The following NUP155 variants were observed in gnomAD, a reference collection of about 807,000 sequenced individuals.
NUP155 encodes nucleoporin 155.
Under a neutral mutation model 180.4 loss-of-function variants are expected in NUP155, and 71 were observed. The observed-to-expected ratio is 0.39, with a 90% CI of 0.33 to 0.48. The LOEUF (loss-of-function observed/expected upper bound fraction) is 0.48. NUP155 is among the 20% of genes least tolerant of loss of function. The probability of loss-of-function intolerance (pLI) is 0.91; values close to 1 mark genes in which losing one functional copy is unlikely to be tolerated. For missense variants in NUP155, 1,553 were observed against 1,648.9 expected, an observed-to-expected ratio of 0.94 and a Z score of 1.01; for synonymous variants, 582 against 559.5, an observed-to-expected ratio of 1.04 and a Z score of -0.57.
At chr5:37,317,831 G>A (rs1336198801) in intron 21 of NUP155, among the ~76,000 whole-genome samples, 157 bp downstream of exon 21, 1 of 151,836 alleles carries the variant, frequency 6.6e-6, no homozygotes, top group East Asian at 1.9e-4. Flanking sequence ...GGTATTACAG[G>A]TGTGAGCCAC....
At chr5:37,356,491 A>T (rs920409421) in intron 4 of NUP155, among the ~76,000 whole-genome samples, 1 of 150,564 alleles carries the variant, frequency 6.6e-6, no homozygotes, top group Non-Finnish European at 1.5e-5. Context: ...AAAAATATAA[A>T]AATTAGGCGT....
chr5:37,329,269 A>G lies in NUP155; in HGVS notation c.1734T>C (p.Gly578=). 1.9e-6 allele frequency: 3 copies of G among 1,613,352 alleles called. No homozygotes were observed. Among genetic ancestry groups the G allele is most frequent in the Non-Finnish European group, 2.5e-6 (3 of 1,179,322 alleles). The change falls in exon 16 of 35, where the codon GGT becomes GGC. Residue 578 remains glycine (G), a synonymous_variant. Transcript: ENST00000231498. ...TGGTTGGAAATCTCATCTGTGCTTCACCACCATACCTATTTTTATGACAAG... is the reference window on the plus strand; with the variant it reads ...TGGTTGGAAATCTCATCTGTGCTTCGCCACCATACCTATTTTTATGACAAG... The part of the protein sequence containing the change: ...WATRAFFRYG[G]EAQMRFPTTL...
chr5:37,364,845 C>A (rs926606807), intron 1 of NUP155, among the ~76,000 whole-genome samples: 1 of 151,742 alleles, frequency 6.6e-6, no homozygotes, highest in African/African-American at 2.4e-5. Flanking sequence ...ACCGTGTTAG[C>A]CAGGCTGGTC....
intron 1 of NUP155, among the ~76,000 whole-genome samples, chr5:37,364,594 T>C (rs1747429785): frequency 6.6e-6 from 1 of 151,720 alleles, no homozygotes; most frequent in Admixed American, 6.6e-5. Flanking sequence ...GAAAGTCATA[T>C]CTCAAAAAAC....
chr5:37,326,381 A>G (rs959040063), intron 18 of NUP155, among the ~76,000 whole-genome samples: 1 of 152,114 alleles, frequency 6.6e-6, no homozygotes, highest in Non-Finnish European at 1.5e-5. Flanking sequence ...ATCCCTCCCT[A>G]TATCTATCCC....
At chr5:37,335,137 G>A (rs216376) in intron 12 of NUP155, among the ~76,000 whole-genome samples, 4,150 of 138,034 alleles carry the variant, frequency 0.03, 215 homozygotes, top group African/African-American at 0.11. Context: ...CAGCCTGGAC[G>A]ACAGAACAAG....
rs770222119 is a variant in NUP155, at chr5:37,330,063, C to G, written c.1699G>C (p.Ala567Pro). 2 of 1,613,592 alleles carry G rather than the reference C, an allele frequency of 1.2e-6. No individual in the cohort carries two copies. The highest frequency in any genetic ancestry group is 2.2e-5 in the East Asian group (1 of 44,846). ...CTAAAGAAAGCCCGAGTAGCCCAGG[C>G]AGATACTTCTCTATCACAGGCAGCA... ...STAACDREVS[A>P]WATRAFFRYG... The change falls in exon 15 of 35, where the codon GCC becomes CCC. Residue 567 changes from alanine (A) to proline (P), a missense_variant. Ala to Pro is a conservative substitution (Grantham distance 27). Transcript: ENST00000231498.
chr5:37,311,394 A>G lies in NUP155; in HGVS notation c.2437-651T>C, dbSNP rs921798595. Among the ~76,000 whole-genome samples, 14 of 152,186 alleles carry G rather than the reference A, an allele frequency of 9.2e-5. 1 individual carries two copies. The highest frequency in any genetic ancestry group is 5.2e-4 in the Admixed American group (8 of 15,256). ...CCCAGGATAAAAACCTACCTACAAT[A>G]TATTTATCACTCTATAAAACTCAAA... is the stretch of plus-strand genomic sequence containing the variant. On this transcript the variant is annotated intron_variant, in intron 22 of 34. Coordinates refer to ENST00000231498, the MANE Select transcript of NUP155 (RefSeq NM_153485.3).
intron 20 of NUP155, among the ~76,000 whole-genome samples, chr5:37,321,191 G>C (rs563349709): frequency 6.6e-6 from 1 of 152,068 alleles, no homozygotes; most frequent in African/African-American, 2.4e-5. Flanking sequence ...GCTACAAATA[G>C]AAAAATTAGC....
At chr5:37,352,688 G>T in intron 5 of NUP155, 49 bp downstream of exon 5, 2 of 1,235,204 alleles carry the variant, frequency 1.6e-6, no homozygotes, top group Non-Finnish European at 2.4e-6. Flanking sequence ...AATATCAATT[G>T]GCCAAAATAC....
At chr5:37,347,533 C>A (rs1746174968) in intron 9 of NUP155, among the ~76,000 whole-genome samples, 1 of 150,770 alleles carries the variant, frequency 6.6e-6, no homozygotes, top group Non-Finnish European at 1.5e-5. Flanking sequence ...CCCATCTCTA[C>A]TAAAAATACA....
intron 13 of NUP155, 44 bp from the exon 14 acceptor site, chr5:37,331,839 A>G (rs370632911): frequency 8.7e-7 from 1 of 1,155,670 alleles, no homozygotes; most frequent in South Asian, 1.2e-5. Flanking sequence ...ATTTACCAAG[A>G]TTGGCTGATA....
In NUP155 at chr5:37,329,190, T is replaced by C. The variant is rs760824013; in HGVS notation, c.1813A>G (p.Ser605Gly). The C allele has an allele frequency of 1.2e-6, 2 of 1,607,944 alleles. No individual in the cohort carries two copies. The highest frequency in any genetic ancestry group is 2.2e-5 in the East Asian group (1 of 44,784). ...GPILGSPVYS[S>G]SPVPSGSPYP... ...TTTCATTTCAATGTTCCATACTCAC[T>C]AGAATAGACAGGAGACCCCAAGATG... Residue 605 changes from serine (S) to glycine (G), a missense_variant and splice_region_variant, in exon 16 of 35, where the codon AGT becomes GGT. Transcript: ENST00000231498.
chr5:37,328,170 A>C (rs1449579053), intron 17 of NUP155, among the ~76,000 whole-genome samples, 188 bp downstream of exon 17: 1 of 152,212 alleles, frequency 6.6e-6, no homozygotes, highest in African/African-American at 2.4e-5. Flanking sequence ...GGCTTATTAT[A>C]AGAGGAGTTC....
intron 24 of NUP155, among the ~76,000 whole-genome samples, chr5:37,308,835 G>A (rs1051945155): frequency 4.9e-5 from 7 of 142,538 alleles, no homozygotes; most frequent in African/African-American, 2.0e-4. Context: ...AGCTGAGATC[G>A]TGCCACTGCA....
chr5:37,346,544 C>T (rs1316930651), intron 9 of NUP155, among the ~76,000 whole-genome samples: 4 of 151,824 alleles, frequency 2.6e-5, no homozygotes, highest in Non-Finnish European at 4.4e-5. Flanking sequence ...TGGTGACAGG[C>T]GCCTGTAATT....
intron 21 of NUP155, among the ~76,000 whole-genome samples, chr5:37,315,529 C>G (rs1743829138): frequency 6.7e-6 from 1 of 148,776 alleles, no homozygotes; most frequent in African/African-American, 2.6e-5. Context: ...AATCAAAATC[C>G]CAATGAGATG....
intron 1 of NUP155, among the ~76,000 whole-genome samples, chr5:37,369,196 G>A (rs1747800686): frequency 6.6e-6 from 1 of 151,930 alleles, no homozygotes; most frequent in African/African-American, 2.4e-5. Context: ...AGGCTGCAAT[G>A]AGCTGTGATC....
At chr5:37,352,480 G>T (rs1289376098) in intron 5 of NUP155, among the ~76,000 whole-genome samples, 3 of 152,186 alleles carry the variant, frequency 2.0e-5, no homozygotes, top group African/African-American at 7.2e-5. Flanking sequence ...AGAGGATGCG[G>T]TAAGCCAAGA....
Sources: allele counts gnomAD v4.1 joint callset (sites outside exome capture counted in the v4.1 genomes callset), GRCh38; gene constraint gnomAD v4.1.1; transcripts MANE v1.5; gene names NCBI Gene and HGNC (gene_info 2026-07-23, HGNC 2026-07-21).